Variants in TTC28 observed in about 807,000 individuals in gnomAD.
TTC28 encodes tetratricopeptide repeat protein 28.
In TTC28, 61 loss-of-function variants were observed where a neutral mutation model predicts 198.0. That is an observed-to-expected ratio of 0.31 (90% CI 0.25 to 0.38). The LOEUF (loss-of-function observed/expected upper bound fraction) is 0.38, where lower values mean the gene tolerates loss of function less well. TTC28 is among the 10% of genes least tolerant of loss of function. The probability of loss-of-function intolerance (pLI) is 1.00; values close to 1 mark genes in which losing one functional copy is unlikely to be tolerated. For synonymous variants in TTC28, 1,171 were observed against 1,297.8 expected (o/e 0.90, Z 2.10); for missense variants, 2,678 against 3,164.0 (o/e 0.85, Z 3.69).
chr22:28,186,172 A>T (rs561644415), intron 5 of TTC28, among the ~76,000 whole-genome samples: 74 of 152,334 alleles, frequency 4.9e-4, no homozygotes, highest in African/African-American at 1.7e-3. Flanking sequence ...CAATTCTATT[A>T]CACTGATGTT....
rs1195951185 is a variant in TTC28, at chr22:28,561,071, TC to T, written c.381+68480del. ...CATGCCTGGCCTCTCTCCTTCATTT[TC>T]TTTTTTTTTTTTTTTTTTTGAGACG... On this transcript the variant is annotated intron_variant, in intron 2 of 22. Transcript: ENST00000397906. Among the ~76,000 whole-genome samples the T allele has an allele frequency of 2.5e-4, 29 of 114,096 alleles. No individual in the cohort carries two copies. In the East Asian group the frequency reaches 5.0e-3, roughly 20 times the overall value. The allele number at this position is 114,096 out of a possible 152,430, so 74.9% of individuals were successfully genotyped here.
intron 2 of TTC28, among the ~76,000 whole-genome samples, chr22:28,326,169 T>G (rs779936244): frequency 6.6e-6 from 1 of 152,084 alleles, no homozygotes; most frequent in East Asian, 1.9e-4. Flanking sequence ...AACAAAACTA[T>G]TGATGCATGT....
intron 3 of TTC28, among the ~76,000 whole-genome samples, chr22:28,301,282 G>A (rs2045018419): frequency 6.6e-6 from 1 of 152,164 alleles, no homozygotes; most frequent in Non-Finnish European, 1.5e-5. Context: ...CAGGCTAGGT[G>A]AAACAGAGTT....
chr22:28,322,120 G>A lies in TTC28; in HGVS notation c.382-15477C>T, dbSNP rs190475614. Among the ~76,000 whole-genome samples, 48 of 152,220 alleles carry A rather than the reference G, an allele frequency of 3.2e-4. No individual in the cohort carries two copies. In the East Asian group the frequency reaches 7.0e-3, roughly 22 times the overall value. On this transcript the variant is annotated intron_variant, in intron 2 of 22. Transcript: ENST00000397906. ...GCTGGGATTACAGGCATGAGCCACC[G>A]TGCCTGGCCAATAATTCTAATAATC... is the stretch of plus-strand genomic sequence containing the variant.
At chr22:28,366,059 G>C (rs1213039258) in intron 2 of TTC28, among the ~76,000 whole-genome samples, 1 of 152,142 alleles carries the variant, frequency 6.6e-6, no homozygotes, top group African/African-American at 2.4e-5. Flanking sequence ...GCTACAATTT[G>C]GCAGCGGTTA....
At chr22:27,991,400 G>T (rs1937402489) in intron 19 of TTC28, among the ~76,000 whole-genome samples, 1 of 152,188 alleles carries the variant, frequency 6.6e-6, no homozygotes, top group African/African-American at 2.4e-5. Context: ...TCTTCCTGAT[G>T]CTATTCAACG....
At chr22:28,466,741 CCTTCACT>C (rs1022005938) in intron 2 of TTC28, among the ~76,000 whole-genome samples, 1 of 151,744 alleles carries the variant, frequency 6.6e-6, no homozygotes, top group African/African-American at 2.4e-5. Context: ...CACCCTTCAC[CCTTCACT>C]ACTTTTCTAG....
At chr22:28,198,826 A>G (rs1342076992) in intron 5 of TTC28, among the ~76,000 whole-genome samples, 1 of 152,188 alleles carries the variant, frequency 6.6e-6, no homozygotes, top group East Asian at 1.9e-4. Context: ...GATGATTACA[A>G]CAGGGAAGTC....
chr22:28,440,423 G>C (rs181315050), intron 2 of TTC28, among the ~76,000 whole-genome samples: 1 of 152,296 alleles, frequency 6.6e-6, no homozygotes, highest in Admixed American at 6.5e-5. Flanking sequence ...AGAGAAAAGA[G>C]AGGAGAGAGC....
chr22:28,071,856 T>C (rs986201396), intron 12 of TTC28, among the ~76,000 whole-genome samples: 5 of 151,906 alleles, frequency 3.3e-5, no homozygotes, highest in African/African-American at 1.2e-4. Context: ...TGTCTCTCCC[T>C]GCTTATTAGC....
At chr22:28,593,791 C>A (rs976700503) in intron 2 of TTC28, among the ~76,000 whole-genome samples, 4 of 151,916 alleles carry the variant, frequency 2.6e-5, no homozygotes, top group African/African-American at 9.7e-5. Context: ...TGTTTTATTC[C>A]TTTAAGGGCC....
intron 12 of TTC28, among the ~76,000 whole-genome samples, chr22:28,088,939 A>C (rs1941719227): frequency 6.6e-6 from 1 of 152,238 alleles, no homozygotes; most frequent in Non-Finnish European, 1.5e-5. Context: ...GCCATCAGAG[A>C]AATGCAAATC....
chr22:28,532,461 C>T (rs989734182), intron 2 of TTC28, among the ~76,000 whole-genome samples: 4 of 152,106 alleles, frequency 2.6e-5, no homozygotes, highest in East Asian at 1.9e-4. Context: ...GATTCACAGC[C>T]GAATTCTACC....
At chr22:28,445,725 A>G (rs192452898) in intron 2 of TTC28, among the ~76,000 whole-genome samples, 1 of 152,226 alleles carries the variant, frequency 6.6e-6, no homozygotes, top group African/African-American at 2.4e-5. Flanking sequence ...TCAGGAGTCT[A>G]TTCAGATATC....
intron 5 of TTC28, among the ~76,000 whole-genome samples, chr22:28,263,258 C>T (rs1931447055): frequency 6.6e-6 from 1 of 152,104 alleles, no homozygotes; most frequent in Non-Finnish European, 1.5e-5. Context: ...ATCTCTTTAA[C>T]AGGCCTCTGA....
intron 12 of TTC28, among the ~76,000 whole-genome samples, chr22:28,085,598 A>T (rs943795855): frequency 2.6e-5 from 4 of 152,194 alleles, no homozygotes; most frequent in African/African-American, 7.2e-5. Context: ...AAGAAACTGC[A>T]TCAACTAACC....
chr22:28,145,840 T>C (rs1943456651), intron 6 of TTC28, among the ~76,000 whole-genome samples: 1 of 152,218 alleles, frequency 6.6e-6, no homozygotes, highest in African/African-American at 2.4e-5. Context: ...TTATTATGTG[T>C]CATTGTTCTA....
intron 5 of TTC28, among the ~76,000 whole-genome samples, chr22:28,164,740 T>C (rs1244130029): frequency 1.3e-5 from 2 of 152,102 alleles, no homozygotes; most frequent in East Asian, 1.9e-4. Flanking sequence ...GAGTGCCTCT[T>C]CTCCTCCAAA....
intron 12 of TTC28, among the ~76,000 whole-genome samples, chr22:28,042,908 C>G (rs548214296): frequency 2.0e-5 from 3 of 152,056 alleles, no homozygotes; most frequent in Non-Finnish European, 4.4e-5. Context: ...GTGTAGTAGA[C>G]AGCTTTGGAG....
Sources: allele counts gnomAD v4.1 joint callset (sites outside exome capture counted in the v4.1 genomes callset), GRCh38; gene constraint gnomAD v4.1.1; transcripts MANE v1.5; gene names NCBI Gene and HGNC (gene_info 2026-07-23, HGNC 2026-07-21).